Variants in HROB observed in about 807,000 individuals in gnomAD.
The protein encoded by HROB is homologous recombination factor with OB-fold.
A neutral mutation model predicts 61.0 loss-of-function variants in HROB; 44 were observed. The ratio of observed to expected loss-of-function variants is 0.72; its 90% CI spans 0.57 to 0.93. The LOEUF is 0.93. Among genes scored for constraint, HROB ranks in the 40% least tolerant of loss-of-function variants. HROB has a pLI of 0.00. For synonymous variants in HROB, 301 were observed against 310.4 expected, an observed-to-expected ratio of 0.97 and a Z score of 0.32; for missense variants, 716 against 796.2, an observed-to-expected ratio of 0.90 and a Z score of 1.21.
In HROB at chr17:44,145,241, G is replaced by A. The variant is rs1203266586; in HGVS notation, c.42G>A (p.Glu14=). ...AGAAGCTGTTTGCTGTGGAAGAGGAGTTTGAAGATGAGGTAGGGAAGTGTT... is the reference window on the plus strand; with the variant it reads ...AGAAGCTGTTTGCTGTGGAAGAGGAATTTGAAGATGAGGTAGGGAAGTGTT... The part of the protein sequence containing the change: ...SLQKLFAVEE[E]FEDEDFLSAV... Residue 14 remains glutamate (E), a synonymous_variant, in exon 2 of 10, where the codon GAG becomes GAA. Coordinates refer to ENST00000585683, the MANE Select transcript of HROB (RefSeq NM_001171251.3). The A allele has an allele frequency of 6.2e-7, 1 of 1,613,730 alleles. No homozygotes were observed. Among genetic ancestry groups the A allele is most frequent in the Non-Finnish European group, 8.5e-7 (1 of 1,179,814 alleles).
rs372585619 is a variant in HROB, at chr17:44,149,042, T to C, written c.1224+15T>C. 324 of 1,606,004 alleles carry C rather than the reference T, an allele frequency of 2.0e-4. 1 individual carries two copies. Among genetic ancestry groups the C allele is most frequent in the Middle Eastern group, 1.2e-3 (7 of 5,846 alleles). On this transcript the variant is annotated intron_variant, in intron 3 of 9. Coordinates refer to ENST00000585683, the MANE Select transcript of HROB (RefSeq NM_001171251.3). ...TGCCTCACCAGGTGAGTGAGCTGGCTTTCTAGGATTTGGTGGGCAAGGGAG... is the reference window on the plus strand; with the variant it reads ...TGCCTCACCAGGTGAGTGAGCTGGCCTTCTAGGATTTGGTGGGCAAGGGAG...
intron 5 of HROB, 116 bp downstream of exon 5, chr17:44,152,893 T>G: frequency 7.7e-7 from 1 of 1,291,648 alleles, no homozygotes; most frequent in Non-Finnish European, 1.1e-6. Flanking sequence ...CCTATACAAG[T>G]AGCAGCACGA....
chr17:44,147,667 C>G, intron 2 of HROB, 191 bp from the exon 3 acceptor site: 1 of 574,992 alleles, frequency 1.7e-6, no homozygotes, highest in South Asian at 2.3e-5. Flanking sequence ...AACTCCTGAC[C>G]TCAAGTGATC....
intron 1 of HROB, among the ~76,000 whole-genome samples, 155 bp downstream of exon 1, chr17:44,142,300 C>T (rs2053469341): frequency 3.3e-5 from 5 of 152,140 alleles, no homozygotes; most frequent in Admixed American, 3.3e-4. Flanking sequence ...GTCGTCAGGG[C>T]TTGTCATGGA....
chr17:44,155,870 G>A (rs553521057), intron 8 of HROB, among the ~76,000 whole-genome samples: 1 of 152,352 alleles, frequency 6.6e-6, no homozygotes, highest in African/African-American at 2.4e-5. Flanking sequence ...GCTGCACAGA[G>A]CACTGGTGGG....
At chr17:44,150,590 C>T (rs1165857901) in intron 3 of HROB, among the ~76,000 whole-genome samples, 1 of 151,996 alleles carries the variant, frequency 6.6e-6, no homozygotes, top group East Asian at 1.9e-4. Context: ...GGGGTTTCTC[C>T]ATGTTGGCCA....
rs2053848887 is a variant in HROB at position 44,152,633 on chromosome 17, C to T, written c.1309-4C>T. ...CAGGCTCCCCCTCTGCTCTGTGGTA[C>T]CAGATTGTTGCTAGTTCCCAGGCAT... is the stretch of plus-strand genomic sequence containing the variant. On this transcript the variant is annotated splice_region_variant and splice_polypyrimidine_tract_variant and intron_variant, in intron 4 of 9. Transcript: ENST00000585683. 3 of 1,613,740 alleles carry T rather than the reference C, an allele frequency of 1.9e-6. No individual in the cohort carries two copies. The highest frequency in any genetic ancestry group is 2.2e-5 in the South Asian group (2 of 91,046).
chr17:44,159,066 A>G (rs1452052737), intron 9 of HROB, among the ~76,000 whole-genome samples: 1 of 152,166 alleles, frequency 6.6e-6, no homozygotes, highest in Non-Finnish European at 1.5e-5. Flanking sequence ...CTGGGATTAG[A>G]GGCATGACCT....
At chr17:44,156,031 C>T (rs1193036405) in intron 8 of HROB, among the ~76,000 whole-genome samples, 3 of 152,122 alleles carry the variant, frequency 2.0e-5, no homozygotes, top group Non-Finnish European at 4.4e-5. Flanking sequence ...GTACTGAAAA[C>T]GTGTACTGTG....
At chr17:44,143,247 C>T (rs2053510938) in intron 1 of HROB, among the ~76,000 whole-genome samples, 1 of 152,026 alleles carries the variant, frequency 6.6e-6, no homozygotes, top group African/African-American at 2.4e-5. Flanking sequence ...CTGTGGCTGA[C>T]ACCTATAATC....
In HROB at chr17:44,148,534, G is replaced by A. The variant is rs1319565284; in HGVS notation, c.731G>A (p.Arg244Lys). The A allele has an allele frequency of 5.0e-6, 8 of 1,614,086 alleles. No individual in the cohort carries two copies. Among genetic ancestry groups the A allele is most frequent in the Non-Finnish European group, 6.8e-6 (8 of 1,180,030 alleles). The change falls in exon 3 of 10, where the codon AGA becomes AAA. Residue 244 changes from arginine to lysine, a missense_variant. Coordinates refer to ENST00000585683, the MANE Select transcript of HROB (RefSeq NM_001171251.3). ...IQCRTPRPPL[R>K]PGAVGHLPVP... ...TGTAGGACTCCACGACCCCCCTTGA[G>A]ACCTGGTGCTGTGGGTCACCTTCCT...
Position 44,162,335 on chromosome 17 carries a change from CAGGG to C in HROB, c.*404_*407del. On this transcript the variant is annotated 3_prime_UTR_variant, in exon 10 of 10. Transcript: ENST00000585683. ...AACAATGGCGGCCTGCCCCTCCACA[CAGGG>C]GAGAAGCACGCTCAGGCTTCCTCTG... 5 of 196,614 alleles carry C rather than the reference CAGGG, an allele frequency of 2.5e-5. No homozygotes were observed. The highest frequency in any genetic ancestry group is 9.5e-5 in the South Asian group (1 of 10,570). The allele number at this position is 196,614 out of a possible 1,614,324, so 12.2% of individuals were successfully genotyped here.
rs202245853 is a variant in HROB, at chr17:44,154,862, A to G, written c.1568A>G (p.Gln523Arg). The change falls in exon 7 of 10, where the codon CAG becomes CGG. Residue 523 changes from glutamine to arginine, a missense_variant. Gln to Arg is a conservative substitution (Grantham distance 43, BLOSUM62 1). Transcript: ENST00000585683. ...CATGTGGTATTTGCAGGAGAGATGCAGGGGACGGTGCACAGGTTGCTGCTG... is the reference window on the plus strand; with the variant it reads ...CATGTGGTATTTGCAGGAGAGATGCGGGGGACGGTGCACAGGTTGCTGCTG... ...VVFKDPTGEM[Q>R]GTVHRLLLET... 45 of 1,613,974 alleles carry G rather than the reference A, an allele frequency of 2.8e-5. No homozygotes were observed. The Middle Eastern group carries it at 5.0e-4, about 18-fold the overall frequency.
At chr17:44,156,865 G>A (rs1307953570) in intron 8 of HROB, among the ~76,000 whole-genome samples, 1 of 151,896 alleles carries the variant, frequency 6.6e-6, no homozygotes, top group African/African-American at 2.4e-5. Flanking sequence ...ATTTCACCAT[G>A]TTGGTCAGGC....
In HROB at chr17:44,155,683, C is replaced by T. The variant is rs192632470; in HGVS notation, c.1770+272C>T. On this transcript the variant is annotated intron_variant, in intron 8 of 9. Transcript: ENST00000585683. ...TGAACATCTGAGAGGATAGGAGTCA[C>T]TTGAGAACTAACCAAGTGGAGGGCC... Among the ~76,000 whole-genome samples, 795 of 152,270 alleles carry T rather than the reference C, an allele frequency of 5.2e-3. 12 individuals are homozygous for T. Among genetic ancestry groups the T allele is most frequent in the African/African-American group, 0.018 (753 of 41,544 alleles).
chr17:44,161,820 A>G (rs1423994425), intron 9 of HROB, 51 bp from the exon 10 acceptor site: 3 of 1,588,206 alleles, frequency 1.9e-6, no homozygotes, highest in Admixed American at 1.7e-5. Context: ...CCTGAGTCAC[A>G]TGGAATGCTG....
intron 9 of HROB, 54 bp from the exon 10 acceptor site, chr17:44,161,817 C>T: frequency 6.3e-7 from 1 of 1,584,558 alleles, no homozygotes; most frequent in South Asian, 1.1e-5. Context: ...GGACCTGAGT[C>T]ACATGGAATG....
At chr17:44,142,422 C>T (rs1188215454) in intron 1 of HROB, among the ~76,000 whole-genome samples, 1 of 151,994 alleles carries the variant, frequency 6.6e-6, no homozygotes, top group East Asian at 1.9e-4. Flanking sequence ...GACGTCACTA[C>T]CGCTTGGGTC....
Position 44,154,579 on chromosome 17 carries a change from G to T in HROB, c.1473G>T (p.Arg491Ser). 6.2e-7 allele frequency: 1 copy of T among 1,614,092 alleles called. No homozygotes were observed. Among genetic ancestry groups the T allele is most frequent in the South Asian group, 1.1e-5 (1 of 91,066 alleles). The change falls in exon 6 of 10, where the codon AGG becomes AGT. Residue 491 changes from arginine to serine, a missense_variant. Coordinates refer to ENST00000585683, the MANE Select transcript of HROB (RefSeq NM_001171251.3). ...LRKAALKQLP[R>S]NKVPNMAVMI... is the part of the protein sequence containing the mutation. Reference sequence around the variant, plus strand: ...AGGCAGCCCTGAAGCAGCTTCCTAGGAACAAGGTCCCCAACATGGCGGTGA... The same window carrying T: ...AGGCAGCCCTGAAGCAGCTTCCTAGTAACAAGGTCCCCAACATGGCGGTGA...
Sources: gnomAD v4.1 joint callset for allele counts (sites outside exome capture counted in the v4.1 genomes callset) on GRCh38, gnomAD v4.1.1 for gene constraint, MANE v1.5 for transcripts, NCBI Gene and HGNC (gene_info 2026-07-23, HGNC 2026-07-21) for gene names.